The following DPF1 variants were observed in gnomAD, a reference collection of about 807,000 sequenced individuals.
DPF1 encodes the protein zinc finger protein neuro-d4.
Under a neutral mutation model 58.7 loss-of-function variants are expected in DPF1, and 14 were observed. That is an observed-to-expected ratio of 0.24 (90% confidence interval 0.16 to 0.37). The LOEUF (loss-of-function observed/expected upper bound fraction) is 0.37, where lower values mean the gene tolerates loss of function less well. Among genes scored for constraint, DPF1 ranks in the 10% least tolerant of loss-of-function variants. The probability of loss-of-function intolerance (pLI) is 1.00; values close to 1 mark genes in which losing one functional copy is unlikely to be tolerated. For missense variants in DPF1, 345 were observed against 529.9 expected (o/e 0.65, Z 3.43); for synonymous variants, 216 against 216.0 (o/e 1.00, Z 0.00).
rs1245635317 is a variant in DPF1, at chr19:38,217,562, C to G, written c.625G>C (p.Gly209Arg). ...ICGKRYKNRPGLSYHYTHTHL... is the reference protein window; with the variant it reads ...ICGKRYKNRPRLSYHYTHTHL... Reference sequence around the variant, plus strand: ...GTGTGGGTGTAGTGGTAGCTGAGCCCCGGCCGGTTCTTATACCGTTTCCCA... The same window carrying G: ...GTGTGGGTGTAGTGGTAGCTGAGCCGCGGCCGGTTCTTATACCGTTTCCCA... The change falls in exon 7 of 12, where the codon GGG becomes CGG. Residue 209 changes from glycine to arginine, a missense_variant. By Grantham distance (125) the Gly-to-Arg change is moderately radical. Coordinates refer to ENST00000355526, the MANE Select transcript of DPF1 (RefSeq NM_001135155.3). The G allele has an allele frequency of 6.4e-7, 1 of 1,551,282 alleles. No homozygotes were observed.
intron 9 of DPF1, 83 bp downstream of exon 9, chr19:38,216,057 C>G: frequency 6.6e-7 from 1 of 1,522,438 alleles, no homozygotes. Context: ...CGGTCCTCAC[C>G]GCCTTGCCTC....
chr19:38,221,664 C>A (rs1967484762), intron 3 of DPF1, among the ~76,000 whole-genome samples: 1 of 152,080 alleles, frequency 6.6e-6, no homozygotes, highest in Non-Finnish European at 1.5e-5. Context: ...CCACTGGGAC[C>A]CTTGGTGGGG....
chr19:38,225,269 AAAGAAAGAAT>A (rs59735212), upstream of DPF1, among the ~76,000 whole-genome samples: 43,242 of 151,478 alleles, frequency 0.29, 6,981 homozygotes, highest in African/African-American at 0.45. Flanking sequence ...AAATAATAAG[AAAGAAAGAAT>A]AATGCGGCCA....
intron 10 of DPF1, 125 bp from the exon 11 acceptor site, chr19:38,212,486 G>A: frequency 3.6e-6 from 2 of 561,754 alleles, no homozygotes; most frequent in South Asian, 5.2e-5. Flanking sequence ...GAAAGGTTCT[G>A]AGAAGGTCTT....
chr19:38,218,394 A>G lies in DPF1; in HGVS notation c.516+179T>C, dbSNP rs568445989. On this transcript the variant is annotated intron_variant, in intron 5 of 11. Transcript: ENST00000355526. ...CTTTGCAAATGGCTTAATACAGATG[A>G]GCCTCAGTTTCCTCATCTGTAAAAT... Among the ~76,000 whole-genome samples the G allele has an allele frequency of 2.6e-5, 4 of 152,202 alleles. No individual in the cohort carries two copies. In the South Asian group the frequency reaches 8.3e-4, roughly 32 times the overall value.
chr19:38,226,624 A>G (rs7253360), upstream of DPF1, among the ~76,000 whole-genome samples: 86,393 of 151,138 alleles, frequency 0.57, 25,199 homozygotes, highest in African/African-American at 0.68. Flanking sequence ...AACAGGAGGT[A>G]GGTCTCTGAT....
Sources: gnomAD v4.1 joint callset for allele counts (sites outside exome capture counted in the v4.1 genomes callset) on GRCh38, gnomAD v4.1.1 for gene constraint, MANE v1.5 for transcripts, NCBI Gene and HGNC (gene_info 2026-07-23, HGNC 2026-07-21) for gene names.